Variants in OCM observed in about 807,000 individuals in gnomAD.
OCM encodes the protein oncomodulin.
OCM carries 18 observed loss-of-function variants against 14.1 expected under a neutral mutation model. The ratio of observed to expected loss-of-function variants is 1.28; its 90% CI spans 0.88 to 1.89. The LOEUF (loss-of-function observed/expected upper bound fraction) is 1.89, where lower values mean the gene tolerates loss of function less well. OCM is among the 40% of genes most tolerant of loss of function. OCM has a pLI of 0.00. For missense variants in OCM, 140 were observed against 137.6 expected, an observed-to-expected ratio of 1.02 and a Z score of -0.09; for synonymous variants, 48 against 51.0, an observed-to-expected ratio of 0.94 and a Z score of 0.25.
At chr7:5,880,437 A>G (rs545302002), upstream of OCM, among the ~76,000 whole-genome samples, 4 of 152,084 alleles carry the variant, frequency 2.6e-5, no homozygotes, top group African/African-American at 9.6e-5. Flanking sequence ...CCGTCACTTA[A>G]TACAAAACCA....
chr7:5,869,975 C>T, the OCM span, among the ~76,000 whole-genome samples: 4 of 152,216 alleles, frequency 2.6e-5, no homozygotes, highest in South Asian at 8.3e-4. Flanking sequence ...TTGCGCCATC[C>T]TCCAGCCTTG....
At chr7:5,863,446 G>A in the OCM span, among the ~76,000 whole-genome samples, 1 of 152,048 alleles carries the variant, frequency 6.6e-6, no homozygotes. Flanking sequence ...GGGAGTACGT[G>A]GAGTGACGTG....
At chr7:5,861,376 G>T in the OCM span, among the ~76,000 whole-genome samples, 7 of 151,410 alleles carry the variant, frequency 4.6e-5, no homozygotes, top group Non-Finnish European at 8.8e-5. Context: ...AGCTGAGATC[G>T]CACCATTGCA....
At chr7:5,875,346 G>A (rs1409581406), upstream of OCM, among the ~76,000 whole-genome samples, 1 of 151,754 alleles carries the variant, frequency 6.6e-6, no homozygotes. Context: ...TGTAAGCCAC[G>A]GCGCCCGGCC....
At chr7:5,873,920 C>T in the OCM span, among the ~76,000 whole-genome samples, 1 of 151,598 alleles carries the variant, frequency 6.6e-6, no homozygotes, top group Admixed American at 6.6e-5. Context: ...GTTTTGTCTC[C>T]ACAAGGGCAG....
the OCM span, among the ~76,000 whole-genome samples, chr7:5,874,446 T>C: frequency 2.0e-5 from 3 of 152,108 alleles, no homozygotes; most frequent in Non-Finnish European, 2.9e-5. Context: ...ATATGTCAGA[T>C]GCATAGCATG....
chr7:5,881,082 G>A, intron 1 of OCM, 132 bp downstream of exon 1: 1 of 826,146 alleles, frequency 1.2e-6, no homozygotes, highest in Non-Finnish European at 2.0e-6. Context: ...ACTTTGGGAG[G>A]CCGAGGCGGG....
chr7:5,874,959 C>T (rs1781064525), upstream of OCM, among the ~76,000 whole-genome samples: 1 of 151,958 alleles, frequency 6.6e-6, no homozygotes, highest in African/African-American at 2.4e-5. Context: ...ACCATTCTGT[C>T]TGTCTCTGTC....
the OCM span, among the ~76,000 whole-genome samples, chr7:5,873,181 C>G: frequency 7.9e-5 from 12 of 152,126 alleles, no homozygotes; most frequent in African/African-American, 2.9e-4. Context: ...TCAAGACCAG[C>G]TTGACCAACA....
upstream of OCM, among the ~76,000 whole-genome samples, chr7:5,879,607 A>C (rs1781166721): frequency 6.6e-6 from 1 of 151,760 alleles, no homozygotes; most frequent in Non-Finnish European, 1.5e-5. Context: ...TCTCCACCTT[A>C]CCAGGCATCT....
the OCM span, among the ~76,000 whole-genome samples, chr7:5,872,682 G>C: frequency 6.6e-6 from 1 of 152,046 alleles, no homozygotes; most frequent in Non-Finnish European, 1.5e-5. Context: ...GGCAGCATGC[G>C]CGTTAAGAGT....
upstream of OCM, among the ~76,000 whole-genome samples, chr7:5,880,462 T>A (rs1038093425): frequency 4.6e-5 from 7 of 152,032 alleles, no homozygotes; most frequent in Admixed American, 6.6e-5. Flanking sequence ...TATCACATTT[T>A]AAAAATTCTA....
chr7:5,882,818 G>A (rs1781248639), intron 2 of OCM, among the ~76,000 whole-genome samples, 193 bp downstream of exon 2: 1 of 150,442 alleles, frequency 6.6e-6, no homozygotes, highest in East Asian at 2.0e-4. Flanking sequence ...TATGGGCAGA[G>A]AAGACTGCAG....
At chr7:5,863,246 C>G in the OCM span, among the ~76,000 whole-genome samples, 5 of 152,066 alleles carry the variant, frequency 3.3e-5, no homozygotes, top group Admixed American at 2.0e-4. Context: ...GTGAAGTTCC[C>G]AAACCCTCTT....
chr7:5,878,451 A>G (rs893076241), upstream of OCM, among the ~76,000 whole-genome samples: 7 of 151,302 alleles, frequency 4.6e-5, no homozygotes, highest in Non-Finnish European at 1.0e-4. Context: ...ATACACTTAA[A>G]AATGGTTAAG....
the OCM span, among the ~76,000 whole-genome samples, chr7:5,871,178 C>CA: frequency 6.6e-6 from 1 of 151,496 alleles, no homozygotes; most frequent in African/African-American, 2.4e-5. Flanking sequence ...GAGAGCCCCC[C>CA]CCCCGTCTCT....
the OCM span, among the ~76,000 whole-genome samples, chr7:5,863,039 T>C: frequency 6.6e-6 from 1 of 152,224 alleles, no homozygotes; most frequent in South Asian, 2.1e-4. Flanking sequence ...CATCATGGAC[T>C]CTTTACTCCT....
the OCM span, among the ~76,000 whole-genome samples, chr7:5,863,962 AG>A: frequency 6.6e-6 from 1 of 152,076 alleles, no homozygotes; most frequent in Non-Finnish European, 1.5e-5. Flanking sequence ...GTTAAGGAGA[AG>A]GCAAGGTCAT....
chr7:5,861,292 G>A, the OCM span, among the ~76,000 whole-genome samples: 4 of 151,956 alleles, frequency 2.6e-5, no homozygotes, highest in South Asian at 8.3e-4. Flanking sequence ...TTGGTGCTGC[G>A]TGCCTGTAAT....
Sources: gnomAD v4.1 joint callset for allele counts (sites outside exome capture counted in the v4.1 genomes callset) on GRCh38, gnomAD v4.1.1 for gene constraint, MANE v1.5 for transcripts, NCBI Gene and HGNC (gene_info 2026-07-23, HGNC 2026-07-21) for gene names.